HSPH1: variants seen among roughly 807,000 people sequenced by gnomAD.
HSPH1 encodes heat shock protein 105 kDa.
Under a neutral mutation model 100.0 loss-of-function variants are expected in HSPH1, and 40 were observed. That is an observed-to-expected ratio of 0.40 (90% CI 0.31 to 0.52). The LOEUF (loss-of-function observed/expected upper bound fraction) is 0.52. HSPH1 is among the 20% of genes least tolerant of loss of function. The pLI is 0.54. For synonymous variants in HSPH1, 403 were observed against 344.0 expected, an observed-to-expected ratio of 1.17 and a Z score of -1.90; for missense variants, 876 against 1,015.1, an observed-to-expected ratio of 0.86 and a Z score of 1.86.
chr13:31,148,211 T>C (rs1956339741), intron 9 of HSPH1, 119 bp from the exon 10 acceptor site: 1 of 1,158,864 alleles, frequency 8.6e-7, no homozygotes, highest in Non-Finnish European at 1.2e-6. Flanking sequence ...TCATTTACAA[T>C]ACCAAAATGA....
At chr13:31,158,735 A>ATT (rs1165432540) in intron 2 of HSPH1, 71 bp downstream of exon 2, 1 of 947,364 alleles carries the variant, frequency 1.1e-6, no homozygotes, top group Non-Finnish European at 1.7e-6. Context: ...ACCCTCTTAT[A>ATT]TGTCTCTTGA....
chr13:31,158,461 A>T (rs898337139), intron 2 of HSPH1, among the ~76,000 whole-genome samples: 6 of 150,952 alleles, frequency 4.0e-5, no homozygotes, highest in African/African-American at 1.5e-4. Flanking sequence ...AGGCAGGAGA[A>T]TCGCTTTAAC....
In HSPH1 at chr13:31,151,233, C is replaced by G. The variant is rs761292118; in HGVS notation, c.664-42G>C. On this transcript the variant is annotated intron_variant, in intron 6 of 17. Transcript: ENST00000320027. Reference sequence around the variant, plus strand: ...AACAAATAGTCTGGTTATTTTCAATCACATTTGTAACTAGAATCTTAAATA... The same window carrying G: ...AACAAATAGTCTGGTTATTTTCAATGACATTTGTAACTAGAATCTTAAATA... 2.0e-6 allele frequency: 3 copies of G among 1,504,294 alleles called. No individual in the cohort carries two copies. In the Admixed American group the frequency reaches 5.9e-5, roughly 30 times the overall value. The allele number at this position is 1,504,294 out of a possible 1,614,324, so 93.2% of individuals were successfully genotyped here.
intron 12 of HSPH1, among the ~76,000 whole-genome samples, chr13:31,141,797 T>TACACAC (rs10573885): frequency 0.014 from 1,798 of 124,218 alleles, 33 homozygotes; most frequent in East Asian, 0.065. Flanking sequence ...TCCATACACA[T>TACACAC]ACATACACAC....
intron 17 of HSPH1, among the ~76,000 whole-genome samples, chr13:31,137,924 C>T (rs1186525413): frequency 3.3e-5 from 5 of 152,146 alleles, no homozygotes; most frequent in African/African-American, 1.2e-4. Context: ...TTTCCTTGAC[C>T]TTCACTGTGT....
chr13:31,151,769 C>A, intron 5 of HSPH1, 27 bp from the exon 6 acceptor site: 1 of 1,579,124 alleles, frequency 6.3e-7, no homozygotes, highest in Non-Finnish European at 8.6e-7. Flanking sequence ...TGTTTCAATT[C>A]TTTGGTTCAC....
chr13:31,158,162 A>G (rs1453465605), intron 2 of HSPH1, among the ~76,000 whole-genome samples: 2 of 152,248 alleles, frequency 1.3e-5, no homozygotes, highest in African/African-American at 4.8e-5. Context: ...GGAATCTCTT[A>G]AATGAGTATC....
intron 2 of HSPH1, 95 bp downstream of exon 2, chr13:31,158,711 C>T: frequency 2.6e-6 from 2 of 774,230 alleles, no homozygotes; most frequent in South Asian, 1.5e-5. Flanking sequence ...AATACATAAA[C>T]TTAGGCACAC....
intron 10 of HSPH1, among the ~76,000 whole-genome samples, chr13:31,146,173 G>C (rs980161990): frequency 6.6e-6 from 1 of 152,002 alleles, no homozygotes; most frequent in South Asian, 2.1e-4. Flanking sequence ...AAAGGAGACA[G>C]ATAAGAAAAA....
In HSPH1 at chr13:31,135,761, A is replaced by T. The variant is rs1955867905; in HGVS notation, c.*1557T>A. On this transcript the variant is annotated 3_prime_UTR_variant, in exon 18 of 18. Coordinates refer to ENST00000320027, the MANE Select transcript of HSPH1 (RefSeq NM_006644.4). The stretch of plus-strand genomic sequence containing the variant: ...GCAGTCAAGTGTTACTAAACCTCAT[A>T]GTTTGAAGATATTACTCCGTGATGT... The T allele has an allele frequency of 6.6e-6, 1 of 152,210 alleles. No homozygotes were observed. The highest frequency in any genetic ancestry group is 2.1e-4 in the South Asian group (1 of 4,830). The allele number at this position is 152,210 out of a possible 1,614,324, so 9.4% of individuals were successfully genotyped here.
At chr13:31,162,335 C>G (rs1320188924), upstream of HSPH1, 5 of 575,278 alleles carry the variant, frequency 8.7e-6, no homozygotes, top group Middle Eastern at 4.6e-4. Flanking sequence ...GTGGGGAGGC[C>G]GGCCAGCTGT....
At chr13:31,150,621 A>C (rs1468476489) in intron 7 of HSPH1, among the ~76,000 whole-genome samples, 1 of 152,182 alleles carries the variant, frequency 6.6e-6, no homozygotes, top group Non-Finnish European at 1.5e-5. Context: ...CATTACTTTC[A>C]ATGGTTATTT....
intron 2 of HSPH1, among the ~76,000 whole-genome samples, chr13:31,158,499 A>G (rs535120846): frequency 6.9e-5 from 10 of 144,684 alleles, no homozygotes; most frequent in South Asian, 2.3e-4. Context: ...CAGTGAGCCG[A>G]GATCGCGCCA....
At chr13:31,151,259 T>C in intron 6 of HSPH1, 68 bp from the exon 7 acceptor site, 2 of 1,269,082 alleles carry the variant, frequency 1.6e-6, no homozygotes, top group South Asian at 2.9e-5. Flanking sequence ...ATCTTAAATA[T>C]TACTACTCAA....
Position 31,141,333 on chromosome 13 carries a change from T to A in HSPH1, c.1717-74A>T, listed in dbSNP as rs986454921. On this transcript the variant is annotated intron_variant, in intron 12 of 17. Transcript: ENST00000320027. Reference sequence around the variant, plus strand: ...GAAAAACACAAAAAAAATGTCCTCATACTTACTGATGACTTGGGCAAAAAT... The same window carrying A: ...GAAAAACACAAAAAAAATGTCCTCAAACTTACTGATGACTTGGGCAAAAAT... The A allele has an allele frequency of 1.2e-5, 15 of 1,244,328 alleles. No individual in the cohort carries two copies. The African/African-American group carries it at 2.0e-4, about 17-fold the overall frequency. The allele number at this position is 1,244,328 out of a possible 1,614,324, so 77.1% of individuals were successfully genotyped here.
At chr13:31,160,928 A>G (rs991239759) in intron 1 of HSPH1, among the ~76,000 whole-genome samples, 1 of 152,226 alleles carries the variant, frequency 6.6e-6, no homozygotes, top group Non-Finnish European at 1.5e-5. Context: ...CCGCCTGCTC[A>G]CTGGACAAGC....
At chr13:31,158,634 G>A (rs1342139706) in intron 2 of HSPH1, among the ~76,000 whole-genome samples, 172 bp downstream of exon 2, 2 of 148,908 alleles carry the variant, frequency 1.3e-5, no homozygotes, top group African/African-American at 5.0e-5. Flanking sequence ...AAAGGGAACA[G>A]AAAGGAAAGA....
At chr13:31,156,463 C>T (rs1339810117) in intron 2 of HSPH1, among the ~76,000 whole-genome samples, 1 of 151,826 alleles carries the variant, frequency 6.6e-6, no homozygotes, top group African/African-American at 2.4e-5. Context: ...AATTGAGAGG[C>T]TGAGGCAGGA....
intron 6 of HSPH1, 69 bp downstream of exon 6, chr13:31,151,540 G>A (rs1183349602): frequency 2.6e-5 from 37 of 1,410,226 alleles, no homozygotes; most frequent in Non-Finnish European, 3.5e-5. Flanking sequence ...GCCTAGTAAA[G>A]AGGCTCAGTA....
Sources: allele counts gnomAD v4.1 joint callset (sites outside exome capture counted in the v4.1 genomes callset), GRCh38; gene constraint gnomAD v4.1.1; transcripts MANE v1.5; gene names NCBI Gene and HGNC (gene_info 2026-07-23, HGNC 2026-07-21).